CDNF: variants seen among roughly 807,000 people sequenced by gnomAD.
CDNF encodes the protein ARMET-like protein 1.
CDNF carries 9 observed loss-of-function variants against 14.8 expected under a neutral mutation model. That is an observed-to-expected ratio of 0.61 (90% CI 0.37 to 1.06). The LOEUF is 1.06. Among genes scored for constraint, CDNF ranks in the 50% least tolerant of loss-of-function variants. CDNF has a pLI of 0.01. For missense variants in CDNF, 228 were observed against 228.4 expected, an observed-to-expected ratio of 1.00 and a Z score of 0.01; for synonymous variants, 86 against 87.2, an observed-to-expected ratio of 0.99 and a Z score of 0.07.
chr10:14,826,095 A>AAGAAGAAGAAGAAGCAGC (rs1426555042), intron 2 of CDNF, among the ~76,000 whole-genome samples: 4 of 87,608 alleles, frequency 4.6e-5, no homozygotes, highest in African/African-American at 1.0e-4. Flanking sequence ...GAAGAAGAAG[A>AAGAAGAAGAAGAAGCAGC]AGCAGCAGCA....
chr10:14,836,159 A>C (rs955124799), intron 1 of CDNF: 8 of 152,242 alleles, frequency 5.3e-5, no homozygotes, highest in African/African-American at 1.9e-4. Flanking sequence ...ATTGAGAAGA[A>C]ATTAAGTTGT....
chr10:14,831,381 T>C (rs1833841950), intron 1 of CDNF, among the ~76,000 whole-genome samples: 1 of 149,534 alleles, frequency 6.7e-6, no homozygotes, highest in South Asian at 2.1e-4. Context: ...CTTTACAATA[T>C]TTTCACATTT....
chr10:14,827,997 T>G, intron 2 of CDNF, 148 bp downstream of exon 2: 4 of 733,112 alleles, frequency 5.5e-6, no homozygotes, highest in Non-Finnish European at 9.4e-6. Context: ...TACATGTCAC[T>G]GGAAGATGGA....
At chr10:14,827,116 C>T (rs1464496974) in intron 2 of CDNF, among the ~76,000 whole-genome samples, 1 of 150,382 alleles carries the variant, frequency 6.6e-6, no homozygotes, top group African/African-American at 2.4e-5. Context: ...GTGCCTTAGT[C>T]CCAGATACTT....
chr10:14,820,962 C>A (rs984921728), intron 3 of CDNF, among the ~76,000 whole-genome samples: 1 of 152,068 alleles, frequency 6.6e-6, no homozygotes, highest in Non-Finnish European at 1.5e-5. Context: ...CCTTTGCGCT[C>A]TTCCTCTTGC....
intron 3 of CDNF, among the ~76,000 whole-genome samples, chr10:14,823,061 C>A (rs2131621748): frequency 6.6e-6 from 1 of 152,302 alleles, no homozygotes; most frequent in East Asian, 1.9e-4. Flanking sequence ...TAGAAACTTG[C>A]ATAGCCCAAA....
chr10:14,837,183 A>G (rs1301520087), intron 1 of CDNF, among the ~76,000 whole-genome samples: 1 of 152,216 alleles, frequency 6.6e-6, no homozygotes, highest in Non-Finnish European at 1.5e-5. Flanking sequence ...ACAGATCTCT[A>G]AAGTGAAGTA....
intron 2 of CDNF, among the ~76,000 whole-genome samples, chr10:14,826,034 GA>G (rs1833779771): frequency 7.5e-5 from 4 of 53,432 alleles, no homozygotes; most frequent in Non-Finnish European, 1.3e-4. Flanking sequence ...AGAAGGAGAA[GA>G]AGAAGAAGAA....
At chr10:14,826,038 A>C (rs1401095387) in intron 2 of CDNF, among the ~76,000 whole-genome samples, 27 of 79,246 alleles carry the variant, frequency 3.4e-4, no homozygotes, top group East Asian at 2.1e-3. Flanking sequence ...GGAGAAGAAG[A>C]AGAAGAAGAA....
intron 2 of CDNF, 89 bp from the exon 3 acceptor site, chr10:14,825,709 AAG>A: frequency 7.1e-7 from 1 of 1,411,738 alleles, no homozygotes; most frequent in Admixed American, 1.8e-5. Flanking sequence ...ATCAAGAAGA[AAG>A]AGGTAGGCTG....
chr10:14,836,543 A>G (rs981557010), intron 1 of CDNF, among the ~76,000 whole-genome samples: 18 of 152,254 alleles, frequency 1.2e-4, no homozygotes, highest in African/African-American at 3.9e-4. Flanking sequence ...AGCTAAACAA[A>G]TATCTTTATA....
At chr10:14,822,334 C>G (rs1055819355) in intron 3 of CDNF, among the ~76,000 whole-genome samples, 2 of 151,978 alleles carry the variant, frequency 1.3e-5, no homozygotes, top group African/African-American at 4.8e-5. Flanking sequence ...AAAAAAAGCC[C>G]AAAATACAAA....
At chr10:14,826,421 CAGAAGCAGCAGAAGAAAGAAGCAGA>C (rs1833795033) in intron 2 of CDNF, among the ~76,000 whole-genome samples, 1 of 141,278 alleles carries the variant, frequency 7.1e-6, no homozygotes, top group Non-Finnish European at 1.5e-5. Context: ...GCAGAAGCAG[CAGAAGCAGCAGAAGAAAGAAGCAGA>C]AGAAGCAGAA....
In CDNF at chr10:14,819,885, T is replaced by C. The variant is rs993807776; in HGVS notation, c.*95A>G. ...AACACAAAAAGCATGAGACCAAATA[T>C]GATGCATTCCCAGTTATCCTTAATC... On this transcript the variant is annotated 3_prime_UTR_variant, in exon 4 of 4. Coordinates refer to ENST00000465530, the MANE Select transcript of CDNF (RefSeq NM_001029954.3). 8.1e-7 allele frequency: 1 copy of C among 1,237,856 alleles called. No homozygotes were observed. The highest frequency in any genetic ancestry group is 2.4e-5 in the East Asian group (1 of 41,916). The allele number at this position is 1,237,856 out of a possible 1,614,324, so 76.7% of individuals were successfully genotyped here.
chr10:14,826,179 CAGAAGCAGAAGCAGCAGAAGAAGA>C (rs1190389217), intron 2 of CDNF, among the ~76,000 whole-genome samples: 2 of 129,408 alleles, frequency 1.5e-5, no homozygotes, highest in African/African-American at 6.4e-5. Flanking sequence ...GAAGCAGCAG[CAGAAGCAGAAGCAGCAGAAGAAGA>C]AGAAGAAGAA....
At chr10:14,820,213 T>C (rs1444803089) in intron 3 of CDNF, 55 bp from the exon 4 acceptor site, 2 of 1,562,100 alleles carry the variant, frequency 1.3e-6, no homozygotes, top group Admixed American at 1.7e-5. Context: ...AAAAAATCCC[T>C]ATGAATCACT....
At chr10:14,822,196 A>G (rs1391861310) in intron 3 of CDNF, among the ~76,000 whole-genome samples, 3 of 152,158 alleles carry the variant, frequency 2.0e-5, no homozygotes, top group Non-Finnish European at 4.4e-5. Context: ...CCTGGCTTCT[A>G]AAATTCTTGC....
At chr10:14,832,787 A>C (rs1833854298) in intron 1 of CDNF, among the ~76,000 whole-genome samples, 1 of 152,020 alleles carries the variant, frequency 6.6e-6, no homozygotes, top group African/African-American at 2.4e-5. Context: ...CATCTGCTGA[A>C]ATGAGGAAGA....
intron 1 of CDNF, among the ~76,000 whole-genome samples, chr10:14,836,900 G>A (rs372534646): frequency 5.3e-5 from 8 of 152,176 alleles, no homozygotes; most frequent in Admixed American, 2.6e-4. Flanking sequence ...ACTGTACTCC[G>A]GCCTGGGCAA....
Sources: gnomAD v4.1 joint callset for allele counts (sites outside exome capture counted in the v4.1 genomes callset) on GRCh38, gnomAD v4.1.1 for gene constraint, MANE v1.5 for transcripts, NCBI Gene and HGNC (gene_info 2026-07-23, HGNC 2026-07-21) for gene names.